The following SLAMF9 variants were observed in gnomAD, a reference collection of about 807,000 sequenced individuals.
SLAMF9 encodes SLAM family member 9.
Under a neutral mutation model 30.4 loss-of-function variants are expected in SLAMF9, and 25 were observed. The observed-to-expected ratio is 0.82, with a 90% confidence interval of 0.60 to 1.15. The LOEUF is 1.15. SLAMF9 is among the 50% of genes most tolerant of loss of function. The probability of loss-of-function intolerance (pLI) is 0.00; values close to 1 mark genes in which losing one functional copy is unlikely to be tolerated. For missense variants in SLAMF9, 344 were observed against 346.1 expected, an observed-to-expected ratio of 0.99 and a Z score of 0.05; for synonymous variants, 129 against 127.2, an observed-to-expected ratio of 1.01 and a Z score of -0.09.
the SLAMF9 span, among the ~76,000 whole-genome samples, chr1:159,964,301 C>G: frequency 6.6e-6 from 1 of 152,068 alleles, no homozygotes; most frequent in Admixed American, 6.6e-5. Context: ...TTTCTTTCCC[C>G]CTAAGTAAAG....
the SLAMF9 span, among the ~76,000 whole-genome samples, chr1:159,964,288 G>C: frequency 6.6e-6 from 1 of 152,060 alleles, no homozygotes; most frequent in Non-Finnish European, 1.5e-5. Context: ...CAATCACAAA[G>C]GGTTTCTTTC....
the SLAMF9 span, chr1:159,973,270 G>T: frequency 1.0e-5 from 8 of 765,790 alleles, no homozygotes; most frequent in Non-Finnish European, 1.6e-5. Context: ...AGTACAGGAG[G>T]TGGGAACTGC....
chr1:159,974,151 C>G, the SLAMF9 span: 1 of 971,872 alleles, frequency 1.0e-6, no homozygotes, highest in Non-Finnish European at 1.6e-6. Flanking sequence ...AAGGCCTCTG[C>G]TGGGGATGGA....
At chr1:159,958,953 A>G (rs565324355), upstream of SLAMF9, among the ~76,000 whole-genome samples, 1 of 152,156 alleles carries the variant, frequency 6.6e-6, no homozygotes, top group African/African-American at 2.4e-5. Flanking sequence ...GTGCCATGTA[A>G]TATTCAAAAT....
chr1:159,953,070 C>T (rs1013445666), intron 2 of SLAMF9, among the ~76,000 whole-genome samples: 7 of 152,176 alleles, frequency 4.6e-5, no homozygotes, highest in African/African-American at 1.4e-4. Flanking sequence ...ACATGAAGCC[C>T]CTGATCCCTG....
chr1:159,976,970 G>GAGA, the SLAMF9 span: 1 of 34,152 alleles, frequency 2.9e-5, no homozygotes, highest in Non-Finnish European at 8.1e-5. Context: ...GAGAAAGAAA[G>GAGA]AAGGAAAGAA....
the SLAMF9 span, among the ~76,000 whole-genome samples, chr1:159,974,512 C>T: frequency 1.1e-4 from 17 of 152,290 alleles, no homozygotes; most frequent in African/African-American, 3.6e-4. Flanking sequence ...GCTCCAGGTC[C>T]GGACGTGTGA....
chr1:159,969,221 C>T, the SLAMF9 span, among the ~76,000 whole-genome samples: 1 of 150,264 alleles, frequency 6.7e-6, no homozygotes, highest in Non-Finnish European at 1.5e-5. Context: ...ATTTCTAGCA[C>T]TAGGGATAGC....
the SLAMF9 span, among the ~76,000 whole-genome samples, chr1:159,962,563 C>G: frequency 1.3e-5 from 2 of 151,928 alleles, no homozygotes; most frequent in African/African-American, 4.8e-5. Flanking sequence ...CAGGAGGGAA[C>G]TGAGATTCAG....
chr1:159,963,800 C>A, the SLAMF9 span, among the ~76,000 whole-genome samples: 1 of 152,168 alleles, frequency 6.6e-6, no homozygotes, highest in Non-Finnish European at 1.5e-5. Flanking sequence ...GTGGCTCACA[C>A]CTGTAATCCC....
In SLAMF9 at chr1:159,951,857, T is replaced by G. The variant is rs781721764; in HGVS notation, c.674A>C (p.Tyr225Ser). 1 of 1,613,836 alleles carries G rather than the reference T, an allele frequency of 6.2e-7. No homozygotes were observed. The highest frequency in any genetic ancestry group is 8.5e-7 in the Non-Finnish European group (1 of 1,179,956). The change falls in exon 4 of 4, where the codon TAT becomes TCT. Residue 225 changes from tyrosine to serine, a missense_variant. Transcript: ENST00000368093. Reference protein sequence around the residue: ...PDGPFYADPNYASEKPSTAFC... With the variant: ...PDGPFYADPNSASEKPSTAFC... ...GGCTGTTGAAGGCTTCTCAGAAGCATAGTTAGGATCTGGGGTGGAAGAAAG... is the reference window on the plus strand; with the variant it reads ...GGCTGTTGAAGGCTTCTCAGAAGCAGAGTTAGGATCTGGGGTGGAAGAAAG...
Position 159,952,536 on chromosome 1 carries a change from T to C in SLAMF9, c.392-2A>G. 1 of 1,613,256 alleles carries C rather than the reference T, an allele frequency of 6.2e-7. No homozygotes were observed. Among genetic ancestry groups the C allele is most frequent in the African/African-American group, 1.3e-5 (1 of 75,032 alleles). Reference sequence around the variant, plus strand: ...TGATCTGGGGCTCTGACAGCCATCCTGGATGAAGGGGAAACACAAAGACCC... The same window carrying C: ...TGATCTGGGGCTCTGACAGCCATCCCGGATGAAGGGGAAACACAAAGACCC... On this transcript the variant is annotated splice_acceptor_variant, in intron 2 of 3. Transcript: ENST00000368093. LOFTEE classifies it high-confidence loss of function.
chr1:159,961,054 C>T, the SLAMF9 span, among the ~76,000 whole-genome samples: 1 of 152,152 alleles, frequency 6.6e-6, no homozygotes. Context: ...CCCAGAAAGA[C>T]GTCCTCCACC....
upstream of SLAMF9, among the ~76,000 whole-genome samples, chr1:159,958,043 G>C (rs926129301): frequency 6.6e-6 from 1 of 152,202 alleles, no homozygotes; most frequent in Non-Finnish European, 1.5e-5. Flanking sequence ...CTCTGGCACC[G>C]ACTGCCCGTT....
At chr1:159,953,692 T>G in intron 1 of SLAMF9, 39 bp from the exon 2 acceptor site, 4 of 1,543,094 alleles carry the variant, frequency 2.6e-6, no homozygotes, top group Non-Finnish European at 3.5e-6. Flanking sequence ...ACCCAGCTGC[T>G]GTCTCTGGGC....
the SLAMF9 span, among the ~76,000 whole-genome samples, chr1:159,980,932 T>C: frequency 6.6e-6 from 1 of 152,210 alleles, no homozygotes; most frequent in Non-Finnish European, 1.5e-5. Flanking sequence ...TTTCTTTGCG[T>C]CACACGCAGA....
Position 159,951,643 on chromosome 1 carries a change from G to C in SLAMF9, c.*18C>G, listed in dbSNP as rs1235268470. 4 of 1,611,722 alleles carry C rather than the reference G, an allele frequency of 2.5e-6. No individual in the cohort carries two copies. Among genetic ancestry groups the C allele is most frequent in the Non-Finnish European group, 3.4e-6 (4 of 1,178,572 alleles). Reference sequence around the variant, plus strand: ...CTGGGAAGAAACCAAGCTCAGGACTGGGGTTCCCAAGGAGCAGTCAGGCAG... The same window carrying C: ...CTGGGAAGAAACCAAGCTCAGGACTCGGGTTCCCAAGGAGCAGTCAGGCAG... On this transcript the variant is annotated 3_prime_UTR_variant, in exon 4 of 4. Coordinates refer to ENST00000368093, the MANE Select transcript of SLAMF9 (RefSeq NM_033438.4).
chr1:159,977,118 T>C, the SLAMF9 span: 4 of 152,046 alleles, frequency 2.6e-5, no homozygotes, highest in African/African-American at 7.3e-5. Flanking sequence ...TTAAGGTAGG[T>C]AGATGGACAA....
At chr1:159,953,730 A>G (rs1223991338) in intron 1 of SLAMF9, 77 bp from the exon 2 acceptor site, 12 of 1,316,358 alleles carry the variant, frequency 9.1e-6, no homozygotes, top group Non-Finnish European at 1.3e-5. Context: ...GAGCTGCCAG[A>G]GTAGCGTAAT....
Sources: gnomAD v4.1 joint callset for allele counts (sites outside exome capture counted in the v4.1 genomes callset) on GRCh38, gnomAD v4.1.1 for gene constraint, MANE v1.5 for transcripts, NCBI Gene and HGNC (gene_info 2026-07-23, HGNC 2026-07-21) for gene names.